The following ACAD11 variants were observed in gnomAD, a reference collection of about 807,000 sequenced individuals.
ACAD11 encodes the protein acyl-Coenzyme A dehydrogenase family, member 11.
Under a neutral mutation model 102.2 loss-of-function variants are expected in ACAD11, and 83 were observed. That is an observed-to-expected ratio of 0.81 (90% CI 0.68 to 0.97). The LOEUF (loss-of-function observed/expected upper bound fraction) is 0.97, where lower values mean the gene tolerates loss of function less well. ACAD11 is among the 50% of genes least tolerant of loss of function. The pLI is 0.00. For missense variants in ACAD11, 901 were observed against 951.7 expected (o/e 0.95, Z 0.70); for synonymous variants, 324 against 319.8 (o/e 1.01, Z -0.14).
In ACAD11 at chr3:132,659,766, G is replaced by C; in HGVS notation, c.-15C>G. 3 of 1,578,352 alleles carry C rather than the reference G, an allele frequency of 1.9e-6. No individual in the cohort carries two copies. Among genetic ancestry groups the C allele is most frequent in the Non-Finnish European group, 1.7e-6 (2 of 1,160,932 alleles). On this transcript the variant is annotated 5_prime_UTR_variant, in exon 1 of 20. Coordinates refer to ENST00000264990, the MANE Select transcript of ACAD11 (RefSeq NM_032169.5). ...CCTGGCTTCATGATCACCCCCGCAG[G>C]CCACAGCAACGCGGCATCCACAGGT...
chr3:132,627,571 G>A (rs746112633), intron 8 of ACAD11, among the ~76,000 whole-genome samples: 2 of 152,180 alleles, frequency 1.3e-5, no homozygotes, highest in Non-Finnish European at 2.9e-5. Context: ...AACACTGCAT[G>A]CTCTCACTCG....
chr3:132,618,225 C>G (rs921732181), intron 11 of ACAD11: 1 of 165,782 alleles, frequency 6.0e-6, no homozygotes, highest in African/African-American at 2.4e-5. Flanking sequence ...GAACACTGCT[C>G]GGGACATAGT....
rs769339298 is a variant in ACAD11 at position 132,639,488 on chromosome 3, G to C, written c.702+4C>G. 2 of 1,611,248 alleles carry C rather than the reference G, an allele frequency of 1.2e-6. No homozygotes were observed. Among genetic ancestry groups the C allele is most frequent in the South Asian group, 2.2e-5 (2 of 90,606 alleles). On this transcript the variant is annotated splice_donor_region_variant and intron_variant, in intron 5 of 19. Transcript: ENST00000264990. ...CAATTAATTGTAAACATAGCTAACT[G>C]TACCTCTTTAGGGTGGAAAACTATG...
At chr3:132,636,185 T>C (rs951297594) in intron 5 of ACAD11, among the ~76,000 whole-genome samples, 3 of 152,170 alleles carry the variant, frequency 2.0e-5, no homozygotes, top group African/African-American at 7.2e-5. Flanking sequence ...AATAGCTAAT[T>C]AGAGTCCTGT....
chr3:132,655,580 T>G (rs149958656), intron 1 of ACAD11, among the ~76,000 whole-genome samples: 2 of 152,264 alleles, frequency 1.3e-5, no homozygotes, highest in Non-Finnish European at 2.9e-5. Flanking sequence ...CACATTTTCA[T>G]CCCCCTTCAA....
In ACAD11 at chr3:132,630,537, A is replaced by G; in HGVS notation, c.863T>C (p.Leu288Pro). ...CCTGCAGCGGCAATATATTGAAATCAGTTCTTCCATTGATGGTATCCCTAT... is the reference window on the plus strand; with the variant it reads ...CCTGCAGCGGCAATATATTGAAATCGGTTCTTCCATTGATGGTATCCCTAT... Reference protein sequence around the residue: ...ENSGIPSMEELISIYCRCRGI... With the variant: ...ENSGIPSMEEPISIYCRCRGI... Residue 288 changes from leucine to proline, a missense_variant, in exon 7 of 20, where the codon CTG becomes CCG. Leu to Pro is a moderately conservative substitution (Grantham distance 98). Transcript: ENST00000264990. The G allele has an allele frequency of 6.2e-7, 1 of 1,611,002 alleles. No homozygotes were observed. Among genetic ancestry groups the G allele is most frequent in the South Asian group, 1.1e-5 (1 of 90,314 alleles).
intron 1 of ACAD11, among the ~76,000 whole-genome samples, chr3:132,657,215 T>C (rs943723345): frequency 1.3e-5 from 2 of 152,240 alleles, no homozygotes; most frequent in African/African-American, 4.8e-5. Flanking sequence ...TATTCCAGTA[T>C]AACTTCTTGA....
intron 9 of ACAD11, among the ~76,000 whole-genome samples, chr3:132,620,943 C>A (rs939891161): frequency 1.3e-5 from 2 of 152,044 alleles, no homozygotes; most frequent in African/African-American, 4.8e-5. Context: ...TAGATAACAG[C>A]TGAAAAAACA....
intron 9 of ACAD11, among the ~76,000 whole-genome samples, chr3:132,622,778 C>T (rs747540903): frequency 3.9e-4 from 59 of 152,172 alleles, no homozygotes; most frequent in Non-Finnish European, 7.5e-4. Flanking sequence ...TAGCATACTG[C>T]GTCCTCACTC....
At chr3:132,609,679 C>G (rs972530891) in intron 11 of ACAD11, among the ~76,000 whole-genome samples, 1 of 152,160 alleles carries the variant, frequency 6.6e-6, no homozygotes, top group African/African-American at 2.4e-5. Flanking sequence ...CAGATGGTTT[C>G]ACAGTCGAAT....
Position 132,628,371 on chromosome 3 carries a change from G to A in ACAD11, c.1039C>T (p.Leu347=), listed in dbSNP as rs763849649. The change falls in exon 8 of 20, where the codon CTG becomes TTG. Residue 347 remains leucine, a synonymous_variant. Coordinates refer to ENST00000264990, the MANE Select transcript of ACAD11 (RefSeq NM_032169.5). The part of the protein sequence containing the change: ...SFLFANIVQP[L]AETGLQLSKR... The stretch of plus-strand genomic sequence containing the variant: ...GAGAGTTGTAGTCCAGTTTCTGCCA[G>A]AGGTTGCACAATATTGGCAAATAAA... 2 of 1,613,200 alleles carry A rather than the reference G, an allele frequency of 1.2e-6. No homozygotes were observed. Among genetic ancestry groups the A allele is most frequent in the East Asian group, 4.5e-5 (2 of 44,774 alleles).
At chr3:132,589,697 A>C (rs1483299343) in intron 13 of ACAD11, among the ~76,000 whole-genome samples, 1 of 152,152 alleles carries the variant, frequency 6.6e-6, no homozygotes, top group Non-Finnish European at 1.5e-5. Context: ...TTCATTAGAA[A>C]TATTTTCTTT....
chr3:132,621,338 T>C (rs1939600076), intron 9 of ACAD11: 1 of 152,084 alleles, frequency 6.6e-6, no homozygotes, highest in South Asian at 2.1e-4. Flanking sequence ...TTACTGATAA[T>C]TAAACAACAG....
At chr3:132,590,156 A>G (rs111264987) in intron 13 of ACAD11, among the ~76,000 whole-genome samples, 2 of 152,234 alleles carry the variant, frequency 1.3e-5, no homozygotes, top group Non-Finnish European at 2.9e-5. Flanking sequence ...TGCAATGAAC[A>G]TTCACATGCA....
intron 7 of ACAD11, 152 bp downstream of exon 7, chr3:132,630,285 C>T: frequency 4.6e-6 from 4 of 875,478 alleles, no homozygotes; most frequent in Non-Finnish European, 6.4e-6. Context: ...TCTGTAAATT[C>T]TGGATTTATA....
In ACAD11 at chr3:132,558,469, TCCCCACCTCCA is replaced by T. The variant is rs920808058; in HGVS notation, c.*491_*501del. The T allele has an allele frequency of 6.4e-6, 1 of 155,712 alleles. No individual in the cohort carries two copies. The highest frequency in any genetic ancestry group is 1.4e-5 in the Non-Finnish European group (1 of 70,854). 9.6% of individuals were successfully genotyped at this position (155,712 alleles called of 1,614,324 possible). On this transcript the variant is annotated 3_prime_UTR_variant, in exon 20 of 20. Transcript: ENST00000264990. ...GATCAGAGCCAGGTCAAATTCTTGC[TCCCCACCTCCA>T]CCCCACCTCAAGAAGAAATTTATTT...
Position 132,603,329 on chromosome 3 carries a change from T to C in ACAD11, c.1523-2A>G. 6.2e-7 allele frequency: 1 copy of C among 1,613,460 alleles called. No individual in the cohort carries two copies. Among genetic ancestry groups the C allele is most frequent in the Middle Eastern group, 1.7e-4 (1 of 6,060 alleles). On this transcript the variant is annotated splice_acceptor_variant, in intron 12 of 19. Transcript: ENST00000264990. LOFTEE classifies it high-confidence loss of function. ...CATCACTTGAAGCTACATCAGGTTC[T>C]ATAAATAAACAAAAGCTGAATTTAC...
At chr3:132,600,442 A>G (rs1381412752) in intron 13 of ACAD11, 1 of 1,609,938 alleles carries the variant, frequency 6.2e-7, no homozygotes, top group South Asian at 1.1e-5. Context: ...ATTATGAGGA[A>G]AATGAAATGA....
intron 17 of ACAD11, among the ~76,000 whole-genome samples, chr3:132,564,054 T>TTTTGC (rs1211689236): frequency 6.6e-6 from 1 of 152,198 alleles, no homozygotes; most frequent in Non-Finnish European, 1.5e-5. Flanking sequence ...TTCATGCAGT[T>TTTTGC]TTTGCTGTTA....
Sources: allele counts gnomAD v4.1 joint callset (sites outside exome capture counted in the v4.1 genomes callset), GRCh38; gene constraint gnomAD v4.1.1; transcripts MANE v1.5; gene names NCBI Gene and HGNC (gene_info 2026-07-23, HGNC 2026-07-21).